Variants in ADCY2 observed in about 807,000 individuals in gnomAD.
The protein encoded by ADCY2 is adenylate cyclase 2.
ADCY2 carries 31 observed loss-of-function variants against 125.2 expected under a neutral mutation model. The ratio of observed to expected loss-of-function variants is 0.25; its 90% CI spans 0.19 to 0.33. The LOEUF is 0.33. Ranked by LOEUF, ADCY2 falls within the 10% of genes least tolerant of loss-of-function variation. The pLI is 1.00. For missense variants in ADCY2, 904 were observed against 1,418.2 expected (o/e 0.64, Z 5.82); for synonymous variants, 512 against 548.4 (o/e 0.93, Z 0.93).
chr5:7,677,478 A>G (rs1048897459), intron 4 of ADCY2, among the ~76,000 whole-genome samples: 1 of 152,102 alleles, frequency 6.6e-6, no homozygotes, highest in Non-Finnish European at 1.5e-5. Flanking sequence ...GTGACTGTGA[A>G]TTCTGGAGTC....
At position 7,520,764 on chromosome 5, in the gene ADCY2, C is replaced by T. The variant is rs765777716; in HGVS notation, c.435C>T (p.Phe145=). ...TATCGTTCTTCCTCTTCATCATCTTCGTGGTGTACACCATGCTGCCCTTCA... is the reference window on the plus strand; with the variant it reads ...TATCGTTCTTCCTCTTCATCATCTTTGTGGTGTACACCATGCTGCCCTTCA... ...DQVSFFLFII[F]VVYTMLPFNM... is the part of the protein sequence containing the mutation. The change falls in exon 3 of 25, where the codon TTC becomes TTT. Residue 145 remains phenylalanine (F), a synonymous_variant. Transcript: ENST00000338316. 17 of 1,614,166 alleles carry T rather than the reference C, an allele frequency of 1.1e-5. No individual in the cohort carries two copies. Among genetic ancestry groups the T allele is most frequent in the East Asian group, 8.9e-5 (4 of 44,880 alleles).
At chr5:7,772,651 TA>T (rs1424626246) in intron 17 of ADCY2, among the ~76,000 whole-genome samples, 10 of 152,338 alleles carry the variant, frequency 6.6e-5, no homozygotes, top group African/African-American at 2.2e-4. Context: ...GTCTTCCATA[TA>T]AGTTTTTTTT....
chr5:7,469,306 C>G (rs946981987), intron 2 of ADCY2, among the ~76,000 whole-genome samples: 3 of 150,960 alleles, frequency 2.0e-5, no homozygotes, highest in Non-Finnish European at 4.4e-5. Flanking sequence ...CATTTTTATA[C>G]ATTTAAAACT....
At chr5:7,776,011 A>G (rs1019483623) in intron 18 of ADCY2, among the ~76,000 whole-genome samples, 5 of 152,158 alleles carry the variant, frequency 3.3e-5, no homozygotes, top group African/African-American at 1.2e-4. Context: ...CTCCAGCCTC[A>G]TTGCCTGTTT....
At chr5:7,823,317 A>T (rs1186450745) in intron 24 of ADCY2, among the ~76,000 whole-genome samples, 1 of 152,196 alleles carries the variant, frequency 6.6e-6, no homozygotes, top group Non-Finnish European at 1.5e-5. Flanking sequence ...ACGAGATCAG[A>T]CTTGGAGTGA....
intron 3 of ADCY2, among the ~76,000 whole-genome samples, chr5:7,523,854 A>G (rs1205208242): frequency 6.6e-6 from 1 of 152,244 alleles, no homozygotes; most frequent in Non-Finnish European, 1.5e-5. Context: ...CCCGCAAACT[A>G]TAGTCAATAT....
At chr5:7,406,569 T>A (rs1234507343) in intron 1 of ADCY2, among the ~76,000 whole-genome samples, 1 of 152,320 alleles carries the variant, frequency 6.6e-6, no homozygotes, top group East Asian at 1.9e-4. Context: ...TAGGAGATAG[T>A]CCCCTTTTCT....
chr5:7,650,774 G>T (rs1739060609), intron 4 of ADCY2, among the ~76,000 whole-genome samples: 1 of 152,200 alleles, frequency 6.6e-6, no homozygotes, highest in African/African-American at 2.4e-5. Context: ...AATTTAAAAA[G>T]AAAATAGAGT....
In ADCY2 at chr5:7,570,991, G is replaced by A. The variant is rs964325481; in HGVS notation, c.570+50092G>A. On this transcript the variant is annotated intron_variant, in intron 3 of 24. Transcript: ENST00000338316. ...GTTGATTCTATCAGAAATAGGCTTTGCTGATATGTTATTAGAGACTTACTA... is the reference window on the plus strand; with the variant it reads ...GTTGATTCTATCAGAAATAGGCTTTACTGATATGTTATTAGAGACTTACTA... Among the ~76,000 whole-genome samples, 3 of 152,214 alleles carry A rather than the reference G, an allele frequency of 2.0e-5. No individual in the cohort carries two copies. In the Middle Eastern group the frequency reaches 0.01, roughly 518 times the overall value.
At chr5:7,406,429 C>T (rs1223597955) in intron 1 of ADCY2, among the ~76,000 whole-genome samples, 1 of 152,204 alleles carries the variant, frequency 6.6e-6, no homozygotes, top group African/African-American at 2.4e-5. Context: ...CCCTTCTGCT[C>T]TCCCAAAAGA....
chr5:7,801,676 A>G (rs551386728), intron 20 of ADCY2: 1 of 152,296 alleles, frequency 6.6e-6, no homozygotes, highest in South Asian at 2.1e-4. Context: ...AAACAAAAGA[A>G]TATCATGAAT....
chr5:7,481,975 A>T (rs1232201050), intron 2 of ADCY2, among the ~76,000 whole-genome samples: 1 of 152,126 alleles, frequency 6.6e-6, no homozygotes, highest in African/African-American at 2.4e-5. Flanking sequence ...TATTTCTAAG[A>T]TGGTCCAATT....
intron 4 of ADCY2, among the ~76,000 whole-genome samples, chr5:7,677,968 A>G (rs1050192761): frequency 6.6e-6 from 1 of 152,210 alleles, no homozygotes; most frequent in African/African-American, 2.4e-5. Context: ...TCAGCTTTAT[A>G]CATGTCAATT....
At chr5:7,674,174 G>A (rs1740038285) in intron 4 of ADCY2, among the ~76,000 whole-genome samples, 1 of 152,154 alleles carries the variant, frequency 6.6e-6, no homozygotes, top group Non-Finnish European at 1.5e-5. Flanking sequence ...TTGTGGTGGT[G>A]GTCGTGGTGA....
intron 4 of ADCY2, among the ~76,000 whole-genome samples, chr5:7,642,146 T>G (rs1447048781): frequency 2.0e-5 from 3 of 152,218 alleles, no homozygotes; most frequent in Admixed American, 6.5e-5. Context: ...CCACCAACAG[T>G]ATATACATTC....
chr5:7,669,006 C>T (rs1418617464), intron 4 of ADCY2, among the ~76,000 whole-genome samples: 1 of 152,132 alleles, frequency 6.6e-6, no homozygotes, highest in African/African-American at 2.4e-5. Flanking sequence ...TCTAACTGCA[C>T]CCAGTATGAG....
chr5:7,618,481 A>G (rs1391374348), intron 3 of ADCY2, among the ~76,000 whole-genome samples: 1 of 152,156 alleles, frequency 6.6e-6, no homozygotes, highest in Non-Finnish European at 1.5e-5. Flanking sequence ...AATACTCCAC[A>G]TGTTCACCCT....
intron 3 of ADCY2, among the ~76,000 whole-genome samples, chr5:7,528,481 G>A (rs894126966): frequency 7.2e-5 from 11 of 152,140 alleles, no homozygotes; most frequent in Non-Finnish European, 1.6e-4. Flanking sequence ...GAGGGCATTG[G>A]GAGAACAGAG....
At chr5:7,634,461 G>A (rs945762703) in intron 4 of ADCY2, among the ~76,000 whole-genome samples, 3 of 152,052 alleles carry the variant, frequency 2.0e-5, no homozygotes, top group African/African-American at 7.2e-5. Flanking sequence ...CGGATGATGG[G>A]CCATTTAATA....
Sources: gnomAD v4.1 joint callset for allele counts (sites outside exome capture counted in the v4.1 genomes callset) on GRCh38, gnomAD v4.1.1 for gene constraint, MANE v1.5 for transcripts, NCBI Gene and HGNC (gene_info 2026-07-23, HGNC 2026-07-21) for gene names.